The following EXOSC7 variants were observed in gnomAD, a reference collection of about 807,000 sequenced individuals.
EXOSC7 encodes the protein exosome complex component RRP42.
EXOSC7 carries 25 observed loss-of-function variants against 34.3 expected under a neutral mutation model. The ratio of observed to expected loss-of-function variants is 0.73; its 90% CI spans 0.53 to 1.02. EXOSC7 has a LOEUF of 1.02. Among genes scored for constraint, EXOSC7 ranks in the 50% least tolerant of loss-of-function variants. EXOSC7 has a pLI of 0.00. For missense variants in EXOSC7, 370 were observed against 368.5 expected, an observed-to-expected ratio of 1.00 and a Z score of -0.03; for synonymous variants, 130 against 143.0, an observed-to-expected ratio of 0.91 and a Z score of 0.65.
intron 7 of EXOSC7, among the ~76,000 whole-genome samples, chr3:45,009,546 C>A (rs1180864290): frequency 6.6e-6 from 1 of 151,838 alleles, no homozygotes; most frequent in Non-Finnish European, 1.5e-5. Flanking sequence ...GAAAATCTTT[C>A]CAAAGGCCCT....
chr3:45,007,816 A>AC (rs917944076), intron 7 of EXOSC7, among the ~76,000 whole-genome samples: 7 of 151,622 alleles, frequency 4.6e-5, no homozygotes, highest in Non-Finnish European at 8.8e-5. Flanking sequence ...CTCAGTAAGT[A>AC]CCCCCCATCT....
intron 3 of EXOSC7, 149 bp from the exon 4 acceptor site, chr3:44,996,938 G>A (rs1334500541): frequency 2.7e-6 from 2 of 740,948 alleles, no homozygotes; most frequent in African/African-American, 3.5e-5. Flanking sequence ...AGGAAAAGTG[G>A]CAGATGCCAT....
intron 7 of EXOSC7, among the ~76,000 whole-genome samples, chr3:45,009,681 G>C (rs1475036402): frequency 6.6e-6 from 1 of 152,020 alleles, no homozygotes; most frequent in Non-Finnish European, 1.5e-5. Flanking sequence ...GAGTAGCTGG[G>C]ATTGCAGGTG....
intron 3 of EXOSC7, among the ~76,000 whole-genome samples, chr3:44,990,944 C>T (rs1706553430): frequency 6.6e-6 from 1 of 152,184 alleles, no homozygotes; most frequent in South Asian, 2.1e-4. Context: ...CAAATGTTAA[C>T]CCACTTTTGT....
At chr3:44,982,392 A>G (rs879417117) in intron 1 of EXOSC7, among the ~76,000 whole-genome samples, 1 of 152,222 alleles carries the variant, frequency 6.6e-6, no homozygotes, top group Non-Finnish European at 1.5e-5. Context: ...AAGCTTTCCC[A>G]GGTTCAGCCT....
chr3:44,996,969 T>A lies in EXOSC7; in HGVS notation c.255-118T>A, dbSNP rs148086032. 2.5e-3 allele frequency: 2,577 copies of A among 1,037,002 alleles called. 6 individuals are homozygous for A. Among genetic ancestry groups the A allele is most frequent in the Non-Finnish European group, 3.2e-3 (2,229 of 690,296 alleles). 64.2% of individuals were successfully genotyped at this position (1,037,002 alleles called of 1,614,324 possible). A position where few individuals can be genotyped will look rare whatever the true frequency, so the allele number is the denominator to read the frequency against. ...GCCATCCTTTCCTCATCTCAGTGAC[T>A]TTCTGTCGAGCAGCTGGCTCTTCCA... On this transcript the variant is annotated intron_variant, in intron 3 of 7. Coordinates refer to ENST00000265564, the MANE Select transcript of EXOSC7 (RefSeq NM_015004.4).
intron 1 of EXOSC7, among the ~76,000 whole-genome samples, chr3:44,984,713 G>T (rs1706361097): frequency 6.6e-6 from 1 of 152,180 alleles, no homozygotes; most frequent in Admixed American, 6.5e-5. Context: ...TTGTAAAATG[G>T]AATGAATAAC....
chr3:44,986,649 C>G (rs1267609837), intron 1 of EXOSC7, among the ~76,000 whole-genome samples: 2 of 152,256 alleles, frequency 1.3e-5, no homozygotes, highest in Non-Finnish European at 2.9e-5. Context: ...TGCCAGCACG[C>G]TGTCACCTCT....
In EXOSC7 at chr3:45,002,992, A is replaced by G. The variant is rs559914663; in HGVS notation, c.491+1384A>G. ...ACTCCCCATCTGCCAGCTGGTTCCT[A>G]TAGGCACCCAGGCAAAAAGAGAGAT... On this transcript the variant is annotated intron_variant, in intron 5 of 7. Transcript: ENST00000265564. Among the ~76,000 whole-genome samples the G allele has an allele frequency of 5.6e-4, 86 of 152,290 alleles. 5 individuals carry two copies. In the South Asian group the frequency reaches 0.016, roughly 28 times the overall value.
In EXOSC7 at chr3:45,011,274, C is replaced by T; in HGVS notation, c.811C>T (p.Gln271Ter). The change falls in exon 8 of 8, where the codon CAG becomes TAG. Residue 271 changes from glutamine to a stop codon, truncating the protein, a stop_gained. Transcript: ENST00000265564. LOFTEE classifies it high-confidence loss of function. The stretch of plus-strand genomic sequence containing the variant: ...GGGCAAGGTACTGCATGCCTCCTTG[C>T]AGAGTGTTGTGCACAAGGAAGAAAG... ...RVGKVLHASL[Q>*]SVVHKEESLG... The T allele has an allele frequency of 6.2e-7, 1 of 1,613,520 alleles. No homozygotes were observed. The highest frequency in any genetic ancestry group is 8.5e-7 in the Non-Finnish European group (1 of 1,179,802).
At chr3:45,007,019 C>A (rs1366360975) in intron 6 of EXOSC7, among the ~76,000 whole-genome samples, 1 of 152,184 alleles carries the variant, frequency 6.6e-6, no homozygotes, top group Non-Finnish European at 1.5e-5. Flanking sequence ...TGCGCCCAGC[C>A]TTTGGCTTGT....
chr3:45,008,400 A>G (rs1050211086), intron 7 of EXOSC7, among the ~76,000 whole-genome samples: 1 of 152,250 alleles, frequency 6.6e-6, no homozygotes, highest in Admixed American at 6.5e-5. Flanking sequence ...ATGACTTCAT[A>G]CTGAAGAATC....
chr3:44,989,299 T>A (rs1054420741), intron 2 of EXOSC7, 58 bp downstream of exon 2: 9 of 1,292,260 alleles, frequency 7.0e-6, no homozygotes, highest in Non-Finnish European at 1.0e-5. Context: ...CCCTAAGGAA[T>A]GAGCTGCTGA....
At chr3:44,994,860 T>TGG (rs1427362290) in intron 3 of EXOSC7, among the ~76,000 whole-genome samples, 158 of 21,358 alleles carry the variant, frequency 7.4e-3, no homozygotes, top group South Asian at 0.014. Flanking sequence ...AGAATGGGTG[T>TGG]GTGTGTGTGT....
At chr3:45,002,658 G>A (rs962051278) in intron 5 of EXOSC7, among the ~76,000 whole-genome samples, 5 of 152,148 alleles carry the variant, frequency 3.3e-5, no homozygotes, top group African/African-American at 1.2e-4. Flanking sequence ...ATTTTTCAGT[G>A]CTCATATTTT....
chr3:45,002,195 C>T (rs1368592503), intron 5 of EXOSC7: 1 of 152,108 alleles, frequency 6.6e-6, no homozygotes, highest in Non-Finnish European at 1.5e-5. Context: ...GACTGATTGA[C>T]CTTTCCCCCT....
chr3:45,001,502 G>C lies in EXOSC7; in HGVS notation c.421-36G>C. The C allele has an allele frequency of 2.0e-6, 3 of 1,515,528 alleles. No individual in the cohort carries two copies. In the South Asian group the frequency reaches 3.4e-5, roughly 17 times the overall value. 93.9% of individuals were successfully genotyped at this position (1,515,528 alleles called of 1,614,324 possible). On this transcript the variant is annotated intron_variant, in intron 4 of 7. Coordinates refer to ENST00000265564, the MANE Select transcript of EXOSC7 (RefSeq NM_015004.4). The stretch of plus-strand genomic sequence containing the variant: ...ATACCTAAAGTAATAAGTGATGCTT[G>C]GTTTTTTTTCCTTTTTCAATTCCTG...
At chr3:45,003,038 T>G (rs1706923126) in intron 5 of EXOSC7, among the ~76,000 whole-genome samples, 1 of 152,180 alleles carries the variant, frequency 6.6e-6, no homozygotes, top group Non-Finnish European at 1.5e-5. Context: ...ACAAGGCTGT[T>G]TAGCTGTGGG....
intron 1 of EXOSC7, among the ~76,000 whole-genome samples, chr3:44,985,916 A>G (rs1482771322): frequency 1.3e-5 from 2 of 152,154 alleles, no homozygotes; most frequent in African/African-American, 4.8e-5. Flanking sequence ...AGCTAGATAC[A>G]GAGTGTAGAC....
Sources: gnomAD v4.1 joint callset for allele counts (sites outside exome capture counted in the v4.1 genomes callset) on GRCh38, gnomAD v4.1.1 for gene constraint, MANE v1.5 for transcripts, NCBI Gene and HGNC (gene_info 2026-07-23, HGNC 2026-07-21) for gene names.